The following PPARGC1B variants were observed in gnomAD, a reference collection of about 807,000 sequenced individuals.
PPARGC1B encodes the protein peroxisome proliferator-activated receptor gamma coactivator 1-beta.
Under a neutral mutation model 101.6 loss-of-function variants are expected in PPARGC1B, and 34 were observed. That is an observed-to-expected ratio of 0.33 (90% CI 0.25 to 0.45). The LOEUF (loss-of-function observed/expected upper bound fraction) is 0.45. PPARGC1B is among the 20% of genes least tolerant of loss of function. PPARGC1B has a pLI of 1.00. For missense variants in PPARGC1B, 1,234 were observed against 1,317.6 expected, an observed-to-expected ratio of 0.94 and a Z score of 0.98; for synonymous variants, 548 against 539.3, an observed-to-expected ratio of 1.02 and a Z score of -0.22.
chr5:149,849,226 T>A lies in PPARGC1B; in HGVS notation c.*1668T>A, dbSNP rs1158189501. On this transcript the variant is annotated 3_prime_UTR_variant, in exon 12 of 12. Transcript: ENST00000309241. Reference sequence around the variant, plus strand: ...ATTGACGTTTTTAAAGATTATCAAATACCTCAGTAGGTAAAATGAGCCCAT... The same window carrying A: ...ATTGACGTTTTTAAAGATTATCAAAAACCTCAGTAGGTAAAATGAGCCCAT... The A allele has an allele frequency of 6.6e-6, 1 of 152,206 alleles. No homozygotes were observed. Among genetic ancestry groups the A allele is most frequent in the East Asian group, 1.9e-4 (1 of 5,198 alleles). 9.4% of individuals were successfully genotyped at this position (152,206 alleles called of 1,614,324 possible).
chr5:149,837,602 A>G lies in PPARGC1B; in HGVS notation c.2618+529A>G, dbSNP rs1484714439. Among the ~76,000 whole-genome samples the G allele has an allele frequency of 6.6e-6, 1 of 152,184 alleles. No homozygotes were observed. The highest frequency in any genetic ancestry group is 6.5e-5 in the Admixed American group (1 of 15,276). On this transcript the variant is annotated intron_variant, in intron 8 of 11. Transcript: ENST00000309241. The surrounding 1 kb of genome is among the most constrained non-coding windows in gnomAD (Gnocchi z 4.2). The stretch of plus-strand genomic sequence containing the variant: ...CTTTCACCAGTTGGCTGCCCCTCGA[A>G]GGGCTTTGACCTCAGTGGAGGGATG...
intron 1 of PPARGC1B, among the ~76,000 whole-genome samples, chr5:149,734,807 C>A (rs1289334561): frequency 6.6e-6 from 1 of 151,994 alleles, no homozygotes; most frequent in Non-Finnish European, 1.5e-5. Context: ...ATTCTGTTAC[C>A]CTTATTGTTT....
At chr5:149,739,202 C>T (rs1161445755) in intron 1 of PPARGC1B, among the ~76,000 whole-genome samples, 4 of 152,330 alleles carry the variant, frequency 2.6e-5, no homozygotes, top group Non-Finnish European at 4.4e-5. Context: ...CATCACCCAG[C>T]GTCCACTGTT....
downstream of PPARGC1B, among the ~76,000 whole-genome samples, chr5:149,855,288 A>T (rs2113474862): frequency 6.6e-6 from 1 of 152,278 alleles, no homozygotes; most frequent in African/African-American, 2.4e-5. Context: ...ACATAGTGAG[A>T]CCCCCATCTC....
chr5:149,771,919 C>G (rs2113189615), intron 1 of PPARGC1B: 1 of 1,036,358 alleles, frequency 9.6e-7, no homozygotes, highest in South Asian at 2.0e-5. Context: ...ACGTTGTCCC[C>G]AAGCTTTAGC....
chr5:149,837,291 CGA>C lies in PPARGC1B; in HGVS notation c.2618+222_2618+223del, dbSNP rs1460736143. Among the ~76,000 whole-genome samples the C allele has an allele frequency of 5.9e-5, 9 of 152,112 alleles. No individual in the cohort carries two copies. Among genetic ancestry groups the C allele is most frequent in the African/African-American group, 1.9e-4 (8 of 41,432 alleles). ...GCAGGCACAGCCTGGTCTGTGAAAT[CGA>C]GAGTGTCCCAAACATCCTGGCCTCC... On this transcript the variant is annotated intron_variant, in intron 8 of 11. Transcript: ENST00000309241. This position sits in a 1 kb window ranked among gnomAD's most constrained non-coding sequence, Gnocchi z 4.2.
intron 2 of PPARGC1B, among the ~76,000 whole-genome samples, chr5:149,823,116 A>T (rs1378648876): frequency 6.6e-6 from 1 of 152,210 alleles, no homozygotes; most frequent in Non-Finnish European, 1.5e-5. Flanking sequence ...GGGTTGGGGC[A>T]TGACAAGCCC....
At chr5:149,824,342 C>T (rs1042861148) in intron 2 of PPARGC1B, among the ~76,000 whole-genome samples, 2 of 152,284 alleles carry the variant, frequency 1.3e-5, no homozygotes, top group South Asian at 4.1e-4. Context: ...CTGAACTTAG[C>T]CTCCCGCCAT....
At chr5:149,784,467 C>A (rs1470373951) in intron 1 of PPARGC1B, among the ~76,000 whole-genome samples, 1 of 151,870 alleles carries the variant, frequency 6.6e-6, no homozygotes, top group Non-Finnish European at 1.5e-5. Context: ...GCCACCCTTA[C>A]CATGGCCTAG....
chr5:149,821,819 A>T (rs1031690959), intron 2 of PPARGC1B, among the ~76,000 whole-genome samples: 6 of 152,196 alleles, frequency 3.9e-5, no homozygotes, highest in African/African-American at 1.4e-4. Context: ...TAGAGAAGGG[A>T]CTGTGGACTG....
At chr5:149,838,882 C>T (rs78572060) in intron 8 of PPARGC1B, among the ~76,000 whole-genome samples, 12 of 152,320 alleles carry the variant, frequency 7.9e-5, no homozygotes, top group Admixed American at 3.9e-4. Context: ...ACAGAAAGCA[C>T]GTTAAGCTGG....
chr5:149,768,933 G>A (rs529823404), intron 1 of PPARGC1B, among the ~76,000 whole-genome samples: 24 of 152,304 alleles, frequency 1.6e-4, no homozygotes, highest in African/African-American at 5.1e-4. Context: ...GGGATTACAG[G>A]CGTGAGCCAC....
chr5:149,761,453 C>T (rs1755714620), intron 1 of PPARGC1B: 1 of 151,994 alleles, frequency 6.6e-6, no homozygotes, highest in Admixed American at 6.6e-5. Flanking sequence ...CAGCATTCTA[C>T]CTTGTGCTTT....
chr5:149,733,426 C>G (rs532779433), intron 1 of PPARGC1B, among the ~76,000 whole-genome samples: 39 of 152,368 alleles, frequency 2.6e-4, no homozygotes, highest in African/African-American at 9.4e-4. Flanking sequence ...CTACTAGGCT[C>G]TCCCAGCCCA....
In PPARGC1B at chr5:149,786,916, G is replaced by A. The variant is rs547886013; in HGVS notation, c.79-33517G>A. Among the ~76,000 whole-genome samples, 6 of 152,258 alleles carry A rather than the reference G, an allele frequency of 3.9e-5. No homozygotes were observed. In the East Asian group the frequency reaches 9.6e-4, roughly 24 times the overall value. The stretch of plus-strand genomic sequence containing the variant: ...TTTCCTCTAGCATCAGAATGTGAGC[G>A]TTTGACTCTTAGGGCTGTTTTGGCT... On this transcript the variant is annotated intron_variant, in intron 1 of 11. Transcript: ENST00000309241.
chr5:149,744,733 A>G (rs978834698), intron 1 of PPARGC1B, among the ~76,000 whole-genome samples: 11 of 152,214 alleles, frequency 7.2e-5, no homozygotes, highest in African/African-American at 2.4e-4. Context: ...AGTTAATGCA[A>G]TCTCTGAAAA....
chr5:149,754,891 C>T (rs1186965484), intron 1 of PPARGC1B, among the ~76,000 whole-genome samples: 1 of 149,288 alleles, frequency 6.7e-6, no homozygotes, highest in African/African-American at 2.5e-5. Context: ...AAGCAACTCT[C>T]CTACCTCAGC....
At chr5:149,757,501 T>G (rs1755574706) in intron 1 of PPARGC1B, among the ~76,000 whole-genome samples, 1 of 152,196 alleles carries the variant, frequency 6.6e-6, no homozygotes, top group Non-Finnish European at 1.5e-5. Context: ...GAGTAAAATC[T>G]ACAAGGCCTC....
Position 149,836,616 on chromosome 5 carries a change from G to T in PPARGC1B, c.2161G>T (p.Asp721Tyr). Residue 721 changes from aspartate to tyrosine, a missense_variant, in exon 8 of 12, where the codon GAC (aspartate) becomes TAC (tyrosine). Asp to Tyr is a radical substitution (Grantham distance 160). Transcript: ENST00000309241. The stretch of plus-strand genomic sequence containing the variant: ...GGAGCCGTCTGGGGTTCACCTTGAG[G>T]ACTGGCCCCAGCAGGGTGCCCCTTG... ...SWEPSGVHLE[D>Y]WPQQGAPWAE... is the part of the protein sequence containing the mutation. 3 of 1,613,844 alleles carry T rather than the reference G, an allele frequency of 1.9e-6. No individual in the cohort carries two copies. The highest frequency in any genetic ancestry group is 1.7e-6 in the Non-Finnish European group (2 of 1,180,030).
Sources: allele counts gnomAD v4.1 joint callset (sites outside exome capture counted in the v4.1 genomes callset), GRCh38; gene constraint gnomAD v4.1.1; non-coding constraint Gnocchi (gnomAD v3.1); transcripts MANE v1.5; gene names NCBI Gene and HGNC (gene_info 2026-07-23, HGNC 2026-07-21).